Variants in PSD3 observed in about 807,000 individuals in gnomAD.
The protein encoded by PSD3 is pleckstrin and Sec7 domain containing 3.
PSD3 carries 49 observed loss-of-function variants against 105.5 expected under a neutral mutation model. The ratio of observed to expected loss-of-function variants is 0.46; its 90% CI spans 0.37 to 0.59. The LOEUF is 0.59. PSD3 is among the 20% of genes least tolerant of loss of function. The probability of loss-of-function intolerance (pLI) is 0.00; values close to 1 mark genes in which losing one functional copy is unlikely to be tolerated. For synonymous variants in PSD3, 557 were observed against 457.8 expected (o/e 1.22, Z -2.77); for missense variants, 1,561 against 1,263.8 (o/e 1.24, Z -3.57).
At chr8:18,998,415 C>CAT (rs1826194948) in intron 1 of PSD3, among the ~76,000 whole-genome samples, 1 of 151,848 alleles carries the variant, frequency 6.6e-6, no homozygotes, top group Non-Finnish European at 1.5e-5. Flanking sequence ...GGGCCGGGTG[C>CAT]GGTGGCTCAC....
At chr8:18,957,284 T>C (rs1308021776) in intron 1 of PSD3, among the ~76,000 whole-genome samples, 1 of 150,720 alleles carries the variant, frequency 6.6e-6, no homozygotes, top group Non-Finnish European at 1.5e-5. Flanking sequence ...GGCAGGAGAA[T>C]CACTTGAACC....
intron 1 of PSD3, among the ~76,000 whole-genome samples, chr8:19,068,032 G>C (rs1829133765): frequency 6.6e-6 from 1 of 152,142 alleles, no homozygotes; most frequent in Non-Finnish European, 1.5e-5. Flanking sequence ...AAGCCTGAAA[G>C]TTCAACCCAG....
chr8:18,602,402 T>C (rs1359222242), intron 11 of PSD3, among the ~76,000 whole-genome samples: 1 of 152,104 alleles, frequency 6.6e-6, no homozygotes, highest in African/African-American at 2.4e-5. Flanking sequence ...ACTGACTTAC[T>C]TATTGTACTC....
intron 9 of PSD3, among the ~76,000 whole-genome samples, chr8:18,751,576 C>G (rs1177141106): frequency 6.6e-6 from 1 of 150,674 alleles, no homozygotes; most frequent in Admixed American, 6.6e-5. Flanking sequence ...CACCCGGAGG[C>G]GCCACCACTA....
At chr8:18,616,758 G>A (rs1344524653) in intron 11 of PSD3, among the ~76,000 whole-genome samples, 2 of 149,704 alleles carry the variant, frequency 1.3e-5, no homozygotes, top group African/African-American at 2.5e-5. Flanking sequence ...CAAGTAGCTG[G>A]GACTACAGGC....
At chr8:18,588,721 G>A (rs1457996773) in intron 12 of PSD3, among the ~76,000 whole-genome samples, 1 of 152,170 alleles carries the variant, frequency 6.6e-6, no homozygotes, top group Non-Finnish European at 1.5e-5. Context: ...TGATGCTGAA[G>A]CTTCAAAGTT....
rs1230626378 is a variant in PSD3 at position 18,871,826 on chromosome 8, T to C, written c.1038A>G (p.Ser346=). ...TACTTGAATTACACAAACCAGCTGATGAGATGAGATGGCGTGGCACTTTGG... is the reference window on the plus strand; with the variant it reads ...TACTTGAATTACACAAACCAGCTGACGAGATGAGATGGCGTGGCACTTTGG... ...ESSKVPRHLI[S]SAGLCNSSSL... Residue 346 remains serine (S), a synonymous_variant, in exon 3 of 16, where the codon TCA becomes TCG. Transcript: ENST00000327040. 6.2e-7 allele frequency: 1 copy of C among 1,609,312 alleles called. No homozygotes were observed. Among genetic ancestry groups the C allele is most frequent in the Non-Finnish European group, 8.5e-7 (1 of 1,175,976 alleles).
intron 2 of PSD3, among the ~76,000 whole-genome samples, chr8:18,877,447 G>A (rs1400149352): frequency 6.6e-6 from 1 of 151,792 alleles, no homozygotes; most frequent in East Asian, 1.9e-4. Flanking sequence ...AAAAGCCTTG[G>A]TGCCCATGTC....
intron 14 of PSD3, among the ~76,000 whole-genome samples, chr8:18,567,359 G>C (rs1013785113): frequency 1.3e-5 from 2 of 151,942 alleles, no homozygotes; most frequent in Non-Finnish European, 2.9e-5. Flanking sequence ...TCTTTATGTG[G>C]TATGCTGCTT....
At chr8:18,577,157 C>A (rs2634421) in intron 12 of PSD3, among the ~76,000 whole-genome samples, 3 of 151,522 alleles carry the variant, frequency 2.0e-5, no homozygotes. Flanking sequence ...AATTTTTTAT[C>A]TCTTCTTTAA....
intron 9 of PSD3, among the ~76,000 whole-genome samples, chr8:18,764,052 T>C (rs1293313547): frequency 6.6e-6 from 1 of 152,178 alleles, no homozygotes; most frequent in African/African-American, 2.4e-5. Flanking sequence ...ATACACGGTT[T>C]CATACAGCTC....
rs570452350 is a variant in PSD3 at position 18,613,922 on chromosome 8, G to A, written c.2411-13488C>T. On this transcript the variant is annotated intron_variant, in intron 11 of 15. Transcript: ENST00000327040. ...ACTATGGACTTGTGCTAAGCCGGCCGCCTCCACCCATGATAATTCCTTCAA... is the reference window on the plus strand; with the variant it reads ...ACTATGGACTTGTGCTAAGCCGGCCACCTCCACCCATGATAATTCCTTCAA... Among the ~76,000 whole-genome samples, 6 of 152,268 alleles carry A rather than the reference G, an allele frequency of 3.9e-5. 1 individual carries two copies. The South Asian group carries it at 1.2e-3, about 32-fold the overall frequency.
At chr8:18,754,244 C>T (rs1057222981) in intron 9 of PSD3, among the ~76,000 whole-genome samples, 5 of 151,942 alleles carry the variant, frequency 3.3e-5, no homozygotes, top group East Asian at 1.9e-4. Context: ...ATTAGGAGGG[C>T]GTGGTGGCGG....
chr8:18,803,591 G>A (rs1810929081), intron 6 of PSD3, among the ~76,000 whole-genome samples: 1 of 151,994 alleles, frequency 6.6e-6, no homozygotes, highest in South Asian at 2.1e-4. Flanking sequence ...CCCCATAATG[G>A]GGTATTACTC....
At chr8:18,807,495 T>C (rs189593850) in intron 4 of PSD3, among the ~76,000 whole-genome samples, 14 of 152,318 alleles carry the variant, frequency 9.2e-5, no homozygotes, top group Admixed American at 9.2e-4. Context: ...GATGATACCA[T>C]GGGAGAAGCT....
chr8:18,978,018 C>T (rs533480974), intron 1 of PSD3, among the ~76,000 whole-genome samples: 3 of 152,174 alleles, frequency 2.0e-5, no homozygotes, highest in African/African-American at 7.2e-5. Flanking sequence ...TATCATGACG[C>T]TAGCAAGGAA....
chr8:19,024,695 C>G (rs1021104296), intron 1 of PSD3, among the ~76,000 whole-genome samples: 1 of 152,090 alleles, frequency 6.6e-6, no homozygotes, highest in African/African-American at 2.4e-5. Context: ...CACAACCGAC[C>G]TCCAGGAAGG....
chr8:18,823,993 A>C (rs1384998701), intron 4 of PSD3, among the ~76,000 whole-genome samples: 1 of 152,008 alleles, frequency 6.6e-6, no homozygotes, highest in Non-Finnish European at 1.5e-5. Context: ...CAGCCTGGAC[A>C]ACACCGTGAG....
At chr8:18,565,864 G>A (rs1335541799) in intron 14 of PSD3, among the ~76,000 whole-genome samples, 1 of 152,136 alleles carries the variant, frequency 6.6e-6, no homozygotes, top group Admixed American at 6.5e-5. Flanking sequence ...TTGGTTGTTA[G>A]AACTGGGGGG....
Sources: allele counts gnomAD v4.1 joint callset (sites outside exome capture counted in the v4.1 genomes callset), GRCh38; gene constraint gnomAD v4.1.1; transcripts MANE v1.5; gene names NCBI Gene and HGNC (gene_info 2026-07-23, HGNC 2026-07-21).